Variants in SLC25A13 observed in about 807,000 individuals in gnomAD.
The protein encoded by SLC25A13 is electrogenic aspartate/glutamate antiporter SLC25A13, mitochondrial.
A neutral mutation model predicts 85.5 loss-of-function variants in SLC25A13; 70 were observed. That is an observed-to-expected ratio of 0.82 (90% confidence interval 0.68 to 1.00). SLC25A13 has a LOEUF of 1.00. Among genes scored for constraint, SLC25A13 ranks in the 50% least tolerant of loss-of-function variants. The pLI is 0.00. For synonymous variants in SLC25A13, 259 were observed against 288.7 expected, an observed-to-expected ratio of 0.90 and a Z score of 1.04; for missense variants, 765 against 819.8, an observed-to-expected ratio of 0.93 and a Z score of 0.82.
intron 1 of SLC25A13, among the ~76,000 whole-genome samples, chr7:96,310,078 C>A (rs1279358381): frequency 2.6e-5 from 4 of 152,182 alleles, no homozygotes; most frequent in Admixed American, 2.6e-4. Context: ...AGACTTTTAA[C>A]TTCCAGAACT....
chr7:96,246,226 T>C (rs1797183849), intron 3 of SLC25A13, among the ~76,000 whole-genome samples: 1 of 152,246 alleles, frequency 6.6e-6, no homozygotes. Context: ...CAAAAGTACC[T>C]ACAGGGTACC....
intron 13 of SLC25A13, among the ~76,000 whole-genome samples, chr7:96,162,532 A>G (rs955521631): frequency 6.6e-6 from 1 of 152,178 alleles, no homozygotes; most frequent in Non-Finnish European, 1.5e-5. Flanking sequence ...CACAAAGATG[A>G]GGTTTGCCAA....
At chr7:96,271,769 G>A (rs1252245015) in intron 3 of SLC25A13, among the ~76,000 whole-genome samples, 4 of 151,912 alleles carry the variant, frequency 2.6e-5, no homozygotes, top group African/African-American at 9.7e-5. Flanking sequence ...TGTATTTTTG[G>A]ATATTATATG....
intron 3 of SLC25A13, among the ~76,000 whole-genome samples, chr7:96,261,597 T>C (rs1261098011): frequency 6.6e-6 from 1 of 152,174 alleles, no homozygotes; most frequent in Non-Finnish European, 1.5e-5. Flanking sequence ...AAAACCTTCA[T>C]TAAAATCTCT....
Position 96,283,313 on chromosome 7 carries a change from T to A in SLC25A13, c.70-5975A>T, listed in dbSNP as rs189216156. 4.6e-3 allele frequency: 1,147 copies of A among 249,352 alleles called. 5 individuals carry two copies. Among genetic ancestry groups the A allele is most frequent in the Non-Finnish European group, 7.2e-3 (879 of 121,520 alleles). The allele number at this position is 249,352 out of a possible 1,614,324, so 15.4% of individuals were successfully genotyped here. A position where few individuals can be genotyped will look rare whatever the true frequency, so the allele number is the denominator to read the frequency against. On this transcript the variant is annotated intron_variant, in intron 2 of 17. Transcript: ENST00000265631. ...CAGCATTAAAAATATTGTAGTAGGG[T>A]TCCTTTCAGCTGGAACCACCATCTT... is the stretch of plus-strand genomic sequence containing the variant.
At chr7:96,283,527 C>T in intron 2 of SLC25A13, 1 of 377,358 alleles carries the variant, frequency 2.7e-6, no homozygotes, top group Non-Finnish European at 5.2e-6. Context: ...ACAAGTGTTA[C>T]CATGGCAAAA....
chr7:96,191,468 T>G (rs943104441), intron 6 of SLC25A13, among the ~76,000 whole-genome samples: 2 of 152,122 alleles, frequency 1.3e-5, no homozygotes, highest in South Asian at 4.1e-4. Flanking sequence ...CATACACAAC[T>G]CCTAGAAAAC....
intron 13 of SLC25A13, among the ~76,000 whole-genome samples, chr7:96,154,649 A>G (rs1562799672): frequency 6.6e-6 from 1 of 152,180 alleles, no homozygotes; most frequent in Non-Finnish European, 1.5e-5. Flanking sequence ...AGTCAATGGT[A>G]GAGTGGACTC....
At chr7:96,306,399 G>A (rs904548968) in intron 1 of SLC25A13, among the ~76,000 whole-genome samples, 2 of 152,224 alleles carry the variant, frequency 1.3e-5, no homozygotes, top group African/African-American at 2.4e-5. Flanking sequence ...TGCTGTTCCC[G>A]GTTCTCCTCC....
intron 4 of SLC25A13, among the ~76,000 whole-genome samples, chr7:96,216,913 A>G (rs889650334): frequency 6.6e-6 from 1 of 152,224 alleles, no homozygotes; most frequent in African/African-American, 2.4e-5. Flanking sequence ...AAGTTTAAAA[A>G]AAAGAGAGAA....
chr7:96,243,761 A>C (rs1168551671), intron 3 of SLC25A13, among the ~76,000 whole-genome samples: 1 of 152,152 alleles, frequency 6.6e-6, no homozygotes, highest in Admixed American at 6.6e-5. Context: ...GCCAGCGCCC[A>C]AAGCAGGCCA....
At chr7:96,130,136 C>T (rs1791960720) in intron 15 of SLC25A13, among the ~76,000 whole-genome samples, 1 of 152,000 alleles carries the variant, frequency 6.6e-6, no homozygotes, top group African/African-American at 2.4e-5. Context: ...ATTTCTATAG[C>T]TCTGGTAGAA....
chr7:96,206,191 A>C (rs147519880), intron 5 of SLC25A13, among the ~76,000 whole-genome samples: 117 of 152,300 alleles, frequency 7.7e-4, no homozygotes, highest in Non-Finnish European at 1.4e-3. Context: ...CAGCATGCAC[A>C]GTGGCAGCTT....
At chr7:96,299,210 AT>A (rs1399435264) in intron 1 of SLC25A13, among the ~76,000 whole-genome samples, 2 of 152,296 alleles carry the variant, frequency 1.3e-5, no homozygotes, top group East Asian at 3.9e-4. Context: ...TTCATAGCAC[AT>A]TTCTGCTTAA....
chr7:96,257,655 A>G (rs1485032892), intron 3 of SLC25A13, among the ~76,000 whole-genome samples: 1 of 152,230 alleles, frequency 6.6e-6, no homozygotes, highest in African/African-American at 2.4e-5. Flanking sequence ...AGCTGGTACC[A>G]TTCCTTCTGA....
At chr7:96,237,743 G>T (rs1796797731) in intron 3 of SLC25A13, among the ~76,000 whole-genome samples, 1 of 152,172 alleles carries the variant, frequency 6.6e-6, no homozygotes, top group South Asian at 2.1e-4. Flanking sequence ...ATGTGGTTAG[G>T]ACTGGATGTT....
In SLC25A13 at chr7:96,211,547, G is replaced by T. The variant is rs150621898; in HGVS notation, c.329-2570C>A. ...ATGTGTTTGTGCATATTTATTGCACGTCTTTTATTTCCTAATTGATTATTA... is the reference window on the plus strand; with the variant it reads ...ATGTGTTTGTGCATATTTATTGCACTTCTTTTATTTCCTAATTGATTATTA... On this transcript the variant is annotated intron_variant, in intron 4 of 17. Coordinates refer to ENST00000265631, the MANE Select transcript of SLC25A13 (RefSeq NM_014251.3). Among the ~76,000 whole-genome samples the T allele has an allele frequency of 2.7e-3, 404 of 152,058 alleles. 3 individuals carry two copies. The highest frequency in any genetic ancestry group is 0.011 in the South Asian group (54 of 4,824).
chr7:96,184,175 C>G, intron 11 of SLC25A13, 102 bp downstream of exon 11: 1 of 1,418,974 alleles, frequency 7.0e-7, no homozygotes, highest in Middle Eastern at 1.8e-4. Flanking sequence ...TGCTGTATTT[C>G]CATTTTAACG....
At chr7:96,181,183 T>G (rs1794407200) in intron 11 of SLC25A13, among the ~76,000 whole-genome samples, 1 of 152,204 alleles carries the variant, frequency 6.6e-6, no homozygotes, top group African/African-American at 2.4e-5. Context: ...AGGAGCTCTT[T>G]TCCAGCAACT....
Sources: allele counts gnomAD v4.1 joint callset (sites outside exome capture counted in the v4.1 genomes callset), GRCh38; gene constraint gnomAD v4.1.1; transcripts MANE v1.5; gene names NCBI Gene and HGNC (gene_info 2026-07-23, HGNC 2026-07-21).